The following SLC25A48 variants were observed in gnomAD, a reference collection of about 807,000 sequenced individuals.
The protein encoded by SLC25A48 is solute carrier family 25 member 48.
SLC25A48 carries 29 observed loss-of-function variants against 32.2 expected under a neutral mutation model. That is an observed-to-expected ratio of 0.90 (90% CI 0.67 to 1.23). SLC25A48 has a LOEUF of 1.23. SLC25A48 is among the 50% of genes most tolerant of loss of function. The pLI, the probability that SLC25A48 is intolerant of heterozygous loss-of-function variation, is 0.00. For synonymous variants in SLC25A48, 164 were observed against 172.3 expected (o/e 0.95, Z 0.38); for missense variants, 399 against 422.7 (o/e 0.94, Z 0.49).
intron 1 of SLC25A48, among the ~76,000 whole-genome samples, chr5:135,840,824 C>T (rs1230557927): frequency 6.6e-6 from 1 of 152,174 alleles, no homozygotes; most frequent in Non-Finnish European, 1.5e-5. Flanking sequence ...AGTTGATGGG[C>T]ATTCATACAC....
chr5:135,821,921 G>A (rs994566169), intron 4 of SLC25A48: 4 of 152,204 alleles, frequency 2.6e-5, no homozygotes, highest in African/African-American at 7.2e-5. Context: ...AAAACACAAC[G>A]CCGGAAGTGG....
upstream of SLC25A48, chr5:135,834,600 T>G (rs1758340293): frequency 2.1e-6 from 1 of 486,932 alleles, no homozygotes; most frequent in Non-Finnish European, 3.6e-6. Context: ...AGCGCACCCT[T>G]ATCCACCCAG....
At chr5:135,719,833 C>T (rs1391497848) in intron 3 of SLC25A48, among the ~76,000 whole-genome samples, 1 of 152,188 alleles carries the variant, frequency 6.6e-6, no homozygotes, top group Admixed American at 6.5e-5. Flanking sequence ...TGGCACCAAC[C>T]ACCTGCCCCT....
chr5:135,756,248 A>G (rs921965974), intron 3 of SLC25A48, among the ~76,000 whole-genome samples: 5 of 152,132 alleles, frequency 3.3e-5, no homozygotes, highest in Non-Finnish European at 7.4e-5. Context: ...CATGGTATTT[A>G]TAACATCTAG....
At chr5:135,786,840 C>A (rs965499382) in intron 3 of SLC25A48, among the ~76,000 whole-genome samples, 14 of 151,880 alleles carry the variant, frequency 9.2e-5, no homozygotes, top group African/African-American at 3.1e-4. Flanking sequence ...TGTGTTTATG[C>A]CCTGTGATAT....
At chr5:135,804,444 C>T (rs988991415) in intron 3 of SLC25A48, among the ~76,000 whole-genome samples, 1 of 151,690 alleles carries the variant, frequency 6.6e-6, no homozygotes, top group African/African-American at 2.4e-5. Flanking sequence ...TGTGTGTACA[C>T]CCACTGTGAT....
At chr5:135,775,451 A>G (rs921798974) in intron 3 of SLC25A48, among the ~76,000 whole-genome samples, 1 of 151,618 alleles carries the variant, frequency 6.6e-6, no homozygotes, top group Admixed American at 6.6e-5. Flanking sequence ...ATGACTCCCT[A>G]TATTGAAGAG....
At chr5:135,624,844 A>G (rs1242450924) in intron 1 of SLC25A48, among the ~76,000 whole-genome samples, 2 of 152,228 alleles carry the variant, frequency 1.3e-5, no homozygotes, top group African/African-American at 4.8e-5. Context: ...GTCTATGGCC[A>G]ACAGATCCGA....
At chr5:135,774,863 GA>G (rs1561486711) in intron 3 of SLC25A48, among the ~76,000 whole-genome samples, 2 of 151,656 alleles carry the variant, frequency 1.3e-5, no homozygotes, top group African/African-American at 4.8e-5. Context: ...GTAAGGAGAG[GA>G]AGTTATTACT....
At chr5:135,694,806 C>T (rs542199104) in intron 3 of SLC25A48, among the ~76,000 whole-genome samples, 7 of 152,176 alleles carry the variant, frequency 4.6e-5, no homozygotes, top group South Asian at 2.1e-4. Flanking sequence ...AGGCTGGTCT[C>T]GAACTCCTGA....
intron 1 of SLC25A48, among the ~76,000 whole-genome samples, chr5:135,606,030 T>A (rs985688978): frequency 1.3e-5 from 2 of 152,172 alleles, no homozygotes; most frequent in South Asian, 4.1e-4. Flanking sequence ...GAGAACAATT[T>A]CAGCCCTAGG....
At chr5:135,867,345 G>C (rs1358112247) in intron 4 of SLC25A48, among the ~76,000 whole-genome samples, 1 of 152,158 alleles carries the variant, frequency 6.6e-6, no homozygotes, top group East Asian at 1.9e-4. Context: ...GATCTCAGTT[G>C]TGCATATTTC....
chr5:135,821,868 AT>A (rs1393854675), intron 4 of SLC25A48: 1 of 152,240 alleles, frequency 6.6e-6, no homozygotes, highest in Non-Finnish European at 1.5e-5. Context: ...GAGTTTGACA[AT>A]TAGGCTTCAT....
At chr5:135,827,699 A>G (rs1384905486) in intron 4 of SLC25A48, among the ~76,000 whole-genome samples, 4 of 152,034 alleles carry the variant, frequency 2.6e-5, no homozygotes, top group African/African-American at 7.3e-5. Context: ...CTCACAACTT[A>G]GCTTGTCATT....
At chr5:135,778,848 G>A (rs942715941) in intron 3 of SLC25A48, among the ~76,000 whole-genome samples, 2 of 4,070 alleles carry the variant, frequency 4.9e-4, no homozygotes, top group East Asian at 0.031. Flanking sequence ...CACCCCCCCC[G>A]CCCCGCCGTG....
At chr5:135,756,877 C>A (rs1755922643) in intron 3 of SLC25A48, among the ~76,000 whole-genome samples, 1 of 149,992 alleles carries the variant, frequency 6.7e-6, no homozygotes, top group Non-Finnish European at 1.5e-5. Flanking sequence ...AATAAAATAT[C>A]TAAATGATAT....
At position 135,639,626 on chromosome 5, in the gene SLC25A48, C is replaced by G. The variant is rs115877286; in HGVS notation, c.-521+4670C>G. ...TGATCAAGCCAGAATGGAGAGAACTCAATAAGCATCTCAAACATTCAGTTA... is the reference window on the plus strand; with the variant it reads ...TGATCAAGCCAGAATGGAGAGAACTGAATAAGCATCTCAAACATTCAGTTA... On this transcript the variant is annotated intron_variant, in intron 3 of 10. Transcript: ENST00000646290. Among the ~76,000 whole-genome samples the G allele has an allele frequency of 9.6e-3, 1,454 of 152,128 alleles. 19 individuals are homozygous for G. Among genetic ancestry groups the G allele is most frequent in the African/African-American group, 0.034 (1,402 of 41,480 alleles).
rs770390574 is a variant in SLC25A48, at chr5:135,871,637, G to A, written c.598G>A (p.Val200Met). The A allele has an allele frequency of 5.0e-5, 81 of 1,614,056 alleles. No homozygotes were observed. In the African/African-American group the frequency reaches 6.8e-4, roughly 14 times the overall value. The change falls in exon 5 of 8, where the codon GTG (valine) becomes ATG (methionine). Residue 200 changes from valine to methionine, a missense_variant. Physicochemically the swap from Val to Met is conservative, Grantham distance 21. Coordinates refer to ENST00000681962, the MANE Select transcript of SLC25A48 (RefSeq NM_001349336.2). Reference protein sequence around the residue: ...PGYCLYFIPYVFLSEWITPEA... With the variant: ...PGYCLYFIPYMFLSEWITPEA... ...CTATTGCCTCTACTTCATCCCCTAC[G>A]TGTTCCTGAGTGAGTGGATCACACC...
chr5:135,709,522 G>A (rs1459135651), intron 3 of SLC25A48, among the ~76,000 whole-genome samples: 4 of 152,222 alleles, frequency 2.6e-5, no homozygotes, highest in Non-Finnish European at 5.9e-5. Flanking sequence ...AAAGGGCAAG[G>A]CCCTGGAATC....
Sources: allele counts gnomAD v4.1 joint callset (sites outside exome capture counted in the v4.1 genomes callset), GRCh38; gene constraint gnomAD v4.1.1; transcripts MANE v1.5; gene names NCBI Gene and HGNC (gene_info 2026-07-23, HGNC 2026-07-21).